Variants in SRSF10 observed in about 807,000 individuals in gnomAD.
SRSF10 encodes the protein serine/arginine-rich splicing factor 10.
A neutral mutation model predicts 32.6 loss-of-function variants in SRSF10; 9 were observed. That is an observed-to-expected ratio of 0.28 (90% CI 0.17 to 0.48). The LOEUF (loss-of-function observed/expected upper bound fraction) is 0.48, where lower values mean the gene tolerates loss of function less well. Ranked by LOEUF, SRSF10 falls within the 20% of genes least tolerant of loss-of-function variation. SRSF10 has a pLI of 0.99. For missense variants in SRSF10, 201 were observed against 331.8 expected, an observed-to-expected ratio of 0.61 and a Z score of 3.06; for synonymous variants, 105 against 112.4, an observed-to-expected ratio of 0.93 and a Z score of 0.42.
In SRSF10 at chr1:23,967,463, C is replaced by G. The variant is rs1641507361; in HGVS notation, c.*3679G>C. 2.1e-6 allele frequency: 1 copy of G among 484,784 alleles called. No individual in the cohort carries two copies. Among genetic ancestry groups the G allele is most frequent in the South Asian group, 4.1e-5 (1 of 24,246 alleles). The allele number at this position is 484,784 out of a possible 1,614,324, so 30.0% of individuals were successfully genotyped here. ...ATTTAGGGATTAGTTTCCACAAGTACAAAGTTGAATTTCCTTTTATTTGTC... is the reference window on the plus strand; with the variant it reads ...ATTTAGGGATTAGTTTCCACAAGTAGAAAGTTGAATTTCCTTTTATTTGTC... On this transcript the variant is annotated 3_prime_UTR_variant, in exon 6 of 6. Coordinates refer to ENST00000492112, the MANE Select transcript of SRSF10 (RefSeq NM_054016.4).
rs540523847 is a variant in SRSF10 at position 23,974,505 on chromosome 1, T to C, written c.274+469A>G. Among the ~76,000 whole-genome samples the C allele has an allele frequency of 7.2e-3, 1,093 of 152,280 alleles. 13 individuals carry two copies. The highest frequency in any genetic ancestry group is 0.025 in the African/African-American group (1,032 of 41,556). ...CAATCTGGAACACATGATGAAATAT[T>C]CAAGATACTCCATTTTCTTAAATAT... On this transcript the variant is annotated intron_variant, in intron 3 of 5. Transcript: ENST00000492112.
intron 4 of SRSF10, 28 bp downstream of exon 4, chr1:23,971,822 A>G: frequency 1.3e-6 from 2 of 1,574,924 alleles, no homozygotes; most frequent in South Asian, 2.4e-5. Flanking sequence ...TTTTTTAAAC[A>G]GATCACTGTG....
intron 3 of SRSF10, among the ~76,000 whole-genome samples, chr1:23,972,429 G>A (rs1185506601): frequency 1.9e-5 from 2 of 104,500 alleles, no homozygotes; most frequent in Admixed American, 8.9e-5. Context: ...GTGTTTTGGT[G>A]TCTTTTTTTT....
Position 23,969,915 on chromosome 1 carries a change from T to C in SRSF10, c.*1227A>G. On this transcript the variant is annotated 3_prime_UTR_variant, in exon 6 of 6. Coordinates refer to ENST00000492112, the MANE Select transcript of SRSF10 (RefSeq NM_054016.4). The stretch of plus-strand genomic sequence containing the variant: ...GCCTCGTATTAAATAAACTGAGGTG[T>C]GAAAAGCAGGCCTCCCTCATAAAGA... 4.1e-6 allele frequency: 4 copies of C among 985,350 alleles called. No individual in the cohort carries two copies. Among genetic ancestry groups the C allele is most frequent in the Non-Finnish European group, 4.8e-6 (4 of 829,918 alleles). 61.0% of individuals were successfully genotyped at this position (985,350 alleles called of 1,614,324 possible).
chr1:23,970,327 T>A lies in SRSF10; in HGVS notation c.*815A>T, dbSNP rs1223398827. On this transcript the variant is annotated 3_prime_UTR_variant, in exon 6 of 6. Transcript: ENST00000492112. ...GGTTAACAAAAGAACTAATCCACAC[T>A]GCATCAAAAATAATTATCATTGGCC... The A allele has an allele frequency of 1.0e-6, 1 of 981,426 alleles. No homozygotes were observed. 60.8% of individuals were successfully genotyped at this position (981,426 alleles called of 1,614,324 possible).
intron 3 of SRSF10, among the ~76,000 whole-genome samples, chr1:23,973,001 C>T (rs1405603416): frequency 2.0e-5 from 3 of 152,304 alleles, no homozygotes; most frequent in Admixed American, 6.5e-5. Context: ...CCGCCTTGAC[C>T]TCCCAAAGTG....
chr1:23,965,124 A>T lies in SRSF10; in HGVS notation c.*6018T>A, dbSNP rs1262079788. The T allele has an allele frequency of 6.6e-6, 1 of 151,986 alleles. No homozygotes were observed. Among genetic ancestry groups the T allele is most frequent in the Non-Finnish European group, 1.5e-5 (1 of 67,864 alleles). 9.4% of individuals were successfully genotyped at this position (151,986 alleles called of 1,614,324 possible). On this transcript the variant is annotated 3_prime_UTR_variant, in exon 6 of 6. Transcript: ENST00000492112. ...TGTAGATAGCAATAACCGAAGACAA[A>T]CAGGTTGCTCACTTCATCCTATTTA...
chr1:23,972,535 C>T (rs898707589), intron 3 of SRSF10, among the ~76,000 whole-genome samples: 2 of 151,998 alleles, frequency 1.3e-5, no homozygotes, highest in African/African-American at 4.8e-5. Context: ...CCACCCCACA[C>T]CAGTTGAAGC....
At chr1:23,977,903 T>C (rs2148512353) in intron 2 of SRSF10, 1 of 984,666 alleles carries the variant, frequency 1.0e-6, no homozygotes, top group South Asian at 4.7e-5. Context: ...AGTTATTCTG[T>C]AGGATACATC....
rs1641405793 is a variant in SRSF10, at chr1:23,965,440, T to C, written c.*5702A>G. 1 of 152,002 alleles carries C rather than the reference T, an allele frequency of 6.6e-6. No individual in the cohort carries two copies. The highest frequency in any genetic ancestry group is 2.4e-5 in the African/African-American group (1 of 41,438). 9.4% of individuals were successfully genotyped at this position (152,002 alleles called of 1,614,324 possible). A position where few individuals can be genotyped will look rare whatever the true frequency, so the allele number is the denominator to read the frequency against. On this transcript the variant is annotated 3_prime_UTR_variant, in exon 6 of 6. Transcript: ENST00000492112. Reference sequence around the variant, plus strand: ...TTTAATCTCTCATCCAGGAACATTATCCATTTACCTTGTAAGGTTGTGAGA... The same window carrying C: ...TTTAATCTCTCATCCAGGAACATTACCCATTTACCTTGTAAGGTTGTGAGA...
intron 1 of SRSF10, among the ~76,000 whole-genome samples, chr1:23,979,304 G>A (rs991160857): frequency 2.4e-5 from 3 of 124,816 alleles, no homozygotes; most frequent in African/African-American, 8.0e-5. Context: ...TTTATGGAAA[G>A]AATTATTGCT....
rs1368548354 is a variant in SRSF10, at chr1:23,969,251, A to C, written c.*1891T>G. On this transcript the variant is annotated 3_prime_UTR_variant, in exon 6 of 6. Transcript: ENST00000492112. ...GAAGCCTCTATAAGAAAGAAAATAC[A>C]AAGTTTAACCCCACAACTTTCCTCT... 2.0e-6 allele frequency: 2 copies of C among 985,500 alleles called. No individual in the cohort carries two copies. Among genetic ancestry groups the C allele is most frequent in the Non-Finnish European group, 2.4e-6 (2 of 829,676 alleles). 61.0% of individuals were successfully genotyped at this position (985,500 alleles called of 1,614,324 possible).
rs1641666430 is a variant in SRSF10 at position 23,970,282 on chromosome 1, A to G, written c.*860T>C. The G allele has an allele frequency of 1.0e-6, 1 of 985,134 alleles. No homozygotes were observed. The highest frequency in any genetic ancestry group is 1.7e-5 in the African/African-American group (1 of 57,216). The allele number at this position is 985,134 out of a possible 1,614,324, so 61.0% of individuals were successfully genotyped here. A position where few individuals can be genotyped will look rare whatever the true frequency, so the allele number is the denominator to read the frequency against. ...TCAAAAACTCAATTTCCCAGCTGGCATCATTCCCCAAGACAGTGGGGTTAA... is the reference window on the plus strand; with the variant it reads ...TCAAAAACTCAATTTCCCAGCTGGCGTCATTCCCCAAGACAGTGGGGTTAA... On this transcript the variant is annotated 3_prime_UTR_variant, in exon 6 of 6. Coordinates refer to ENST00000492112, the MANE Select transcript of SRSF10 (RefSeq NM_054016.4).
In SRSF10 at chr1:23,971,412, T is replaced by G. The variant is rs1253737753; in HGVS notation, c.519A>C (p.Ser173=). 5.0e-6 allele frequency: 8 copies of G among 1,609,414 alleles called. No individual in the cohort carries two copies. The highest frequency in any genetic ancestry group is 2.0e-4 in the Middle Eastern group (1 of 5,020). The stretch of plus-strand genomic sequence containing the variant: ...GTGATCTTGAATTGGATTTAGATCT[T>G]GAAAAAGATCGATTTCGGTGTTTGA... ...DRFKHRNRSF[S]RSKSNSRSRS... Residue 173 remains serine (S), a synonymous_variant, in exon 6 of 6, where the codon TCA becomes TCC. Coordinates refer to ENST00000492112, the MANE Select transcript of SRSF10 (RefSeq NM_054016.4).
intron 2 of SRSF10, chr1:23,977,760 C>A: frequency 3.5e-6 from 1 of 283,888 alleles, no homozygotes; most frequent in Non-Finnish European, 5.3e-6. Flanking sequence ...AGAGAGAGTG[C>A]ATTTACACAA....
At position 23,967,855 on chromosome 1, in the gene SRSF10, C is replaced by G. The variant is rs1641526633; in HGVS notation, c.*3287G>C. 2.6e-6 allele frequency: 4 copies of G among 1,549,966 alleles called. No homozygotes were observed. The highest frequency in any genetic ancestry group is 2.6e-6 in the Non-Finnish European group (3 of 1,146,886). On this transcript the variant is annotated 3_prime_UTR_variant, in exon 6 of 6. Transcript: ENST00000492112. ...TTCAAGAGAATAATACAATAGTTCCCAGGTCTTTCCCCTGGGATGTAACTT... is the reference window on the plus strand; with the variant it reads ...TTCAAGAGAATAATACAATAGTTCCGAGGTCTTTCCCCTGGGATGTAACTT...
In SRSF10 at chr1:23,971,164, C is replaced by T; in HGVS notation, c.767G>A (p.Ser256Asn). ...CTATCAGTGGCCACTGGACTTAGGA[C>T]TAGTCCAAGACCTTGATCTAGATTT... ...RSKSRSRSWT[S>N]PKSSGH Residue 256 changes from serine to asparagine, a missense_variant, in exon 6 of 6, where the codon AGT becomes AAT. By Grantham distance (46) the Ser-to-Asn change is conservative. Around this residue, in one of 3 missense-constraint regions of SRSF10, gnomAD observed 159 missense variants for 196.7 expected, o/e 0.81. Coordinates refer to ENST00000492112, the MANE Select transcript of SRSF10 (RefSeq NM_054016.4). The T allele has an allele frequency of 1.9e-6, 3 of 1,612,550 alleles. No homozygotes were observed. Among genetic ancestry groups the T allele is most frequent in the Non-Finnish European group, 2.5e-6 (3 of 1,179,468 alleles).
chr1:23,969,341 C>T lies in SRSF10; in HGVS notation c.*1801G>A. 1 of 985,256 alleles carries T rather than the reference C, an allele frequency of 1.0e-6. No homozygotes were observed. 61.0% of individuals were successfully genotyped at this position (985,256 alleles called of 1,614,324 possible). On this transcript the variant is annotated 3_prime_UTR_variant, in exon 6 of 6. Transcript: ENST00000492112. Reference sequence around the variant, plus strand: ...CTTTTTGTTGTTTAAACTATACATCCAGGAAAATCTAAAAAAATTAAAGAA... The same window carrying T: ...CTTTTTGTTGTTTAAACTATACATCTAGGAAAATCTAAAAAAATTAAAGAA...
Position 23,964,417 on chromosome 1 carries a change from T to C in SRSF10, c.*6725A>G, listed in dbSNP as rs1164673499. Reference sequence around the variant, plus strand: ...ATAGGAATTTCCCAAGTCGATGCAATTGCGAGAACCAAAAATAGCTGGTAC... The same window carrying C: ...ATAGGAATTTCCCAAGTCGATGCAACTGCGAGAACCAAAAATAGCTGGTAC... On this transcript the variant is annotated 3_prime_UTR_variant, in exon 6 of 6. Coordinates refer to ENST00000492112, the MANE Select transcript of SRSF10 (RefSeq NM_054016.4). 4.6e-5 allele frequency among the ~76,000 whole-genome samples: 7 copies of C among 151,942 alleles called. No homozygotes were observed. The highest frequency in any genetic ancestry group is 9.7e-5 in the African/African-American group (4 of 41,422).
Sources: allele counts gnomAD v4.1 joint callset (sites outside exome capture counted in the v4.1 genomes callset), GRCh38; gene constraint gnomAD v4.1.1; regional missense constraint gnomAD v4.1.1; transcripts MANE v1.5; gene names NCBI Gene and HGNC (gene_info 2026-07-23, HGNC 2026-07-21).